TOM1L2: variants seen among roughly 807,000 people sequenced by gnomAD.
TOM1L2 encodes the protein target of myb1 like 2 membrane trafficking protein.
A neutral mutation model predicts 67.9 loss-of-function variants in TOM1L2; 31 were observed. The ratio of observed to expected loss-of-function variants is 0.46; its 90% CI spans 0.34 to 0.62. The LOEUF is 0.62. Among genes scored for constraint, TOM1L2 ranks in the 20% least tolerant of loss-of-function variants. TOM1L2 has a pLI of 0.01. For synonymous variants in TOM1L2, 256 were observed against 254.0 expected, an observed-to-expected ratio of 1.01 and a Z score of -0.07; for missense variants, 606 against 663.5, an observed-to-expected ratio of 0.91 and a Z score of 0.95.
At chr17:17,969,239 T>C (rs1465744957) in intron 1 of TOM1L2, among the ~76,000 whole-genome samples, 1 of 151,984 alleles carries the variant, frequency 6.6e-6, no homozygotes, top group Non-Finnish European at 1.5e-5. Context: ...GTATTACTAG[T>C]AGAGACAGGG....
intron 1 of TOM1L2, among the ~76,000 whole-genome samples, chr17:17,928,332 C>T (rs2040182067): frequency 6.6e-6 from 1 of 152,160 alleles, no homozygotes. Context: ...GAGGGTACAT[C>T]AATAAGGCAA....
At chr17:17,946,980 C>T (rs1484138157) in intron 1 of TOM1L2, among the ~76,000 whole-genome samples, 1 of 152,248 alleles carries the variant, frequency 6.6e-6, no homozygotes, top group Non-Finnish European at 1.5e-5. Flanking sequence ...CCTCCTCAGC[C>T]TCCCAAAGTG....
rs757202307 is a variant in TOM1L2 at position 17,869,307 on chromosome 17, G to GCA, written c.911+32_911+33insTG. On this transcript the variant is annotated intron_variant, in intron 8 of 14. Transcript: ENST00000379504. The stretch of plus-strand genomic sequence containing the variant: ...CTGTTATGGCAACAATCTTTTCAAG[G>GCA]GAAAAAAAAAAAAAAAGAAATCCGG... 1.6e-4 allele frequency: 246 copies of GCA among 1,546,528 alleles called. No individual in the cohort carries two copies. The African/African-American group carries it at 3.3e-3, about 21-fold the overall frequency.
At chr17:17,855,646 C>T (rs1422038991) in intron 12 of TOM1L2, among the ~76,000 whole-genome samples, 6 of 152,192 alleles carry the variant, frequency 3.9e-5, no homozygotes, top group Non-Finnish European at 8.8e-5. Flanking sequence ...ACCTGAGTCC[C>T]AGGAGCATAA....
Position 17,898,586 on chromosome 17 carries a change from T to C in TOM1L2, c.216+10A>G, listed in dbSNP as rs751454637. The C allele has an allele frequency of 4.3e-6, 7 of 1,614,002 alleles. No homozygotes were observed. Among genetic ancestry groups the C allele is most frequent in the Non-Finnish European group, 5.9e-6 (7 of 1,179,984 alleles). On this transcript the variant is annotated intron_variant, in intron 3 of 14. Coordinates refer to ENST00000379504, the MANE Select transcript of TOM1L2 (RefSeq NM_001082968.2). The stretch of plus-strand genomic sequence containing the variant: ...AGATGACTTCTCTCCTCAAGGAGAA[T>C]AGCACTCACTGTTAATGCCAGCATC...
At chr17:17,902,314 A>G (rs1243143139) in intron 2 of TOM1L2, among the ~76,000 whole-genome samples, 1 of 152,228 alleles carries the variant, frequency 6.6e-6, no homozygotes, top group Non-Finnish European at 1.5e-5. Context: ...TCTGGACATT[A>G]GGGAAAGCCC....
At chr17:17,906,349 G>A (rs1401160987) in intron 2 of TOM1L2, among the ~76,000 whole-genome samples, 3 of 151,716 alleles carry the variant, frequency 2.0e-5, no homozygotes, top group East Asian at 1.9e-4. Flanking sequence ...GGCTGGTCTC[G>A]AATTCCTGGG....
chr17:17,882,947 T>C (rs2037807845), intron 5 of TOM1L2, 84 bp from the exon 6 acceptor site: 3 of 1,542,196 alleles, frequency 1.9e-6, no homozygotes, highest in Admixed American at 3.4e-5. Context: ...CATGCAGCAC[T>C]TCCCCAAGGC....
At chr17:17,938,459 G>T (rs2040594420) in intron 1 of TOM1L2, among the ~76,000 whole-genome samples, 1 of 152,134 alleles carries the variant, frequency 6.6e-6, no homozygotes, top group Admixed American at 6.5e-5. Flanking sequence ...CTCTGACTAG[G>T]ATGTTCTATA....
chr17:17,867,759 G>A (rs1387907744), intron 8 of TOM1L2, among the ~76,000 whole-genome samples: 1 of 152,214 alleles, frequency 6.6e-6, no homozygotes, highest in Non-Finnish European at 1.5e-5. Context: ...TCAGCAGCTG[G>A]TGACAAGAAA....
At chr17:17,872,064 G>A in intron 7 of TOM1L2, 1 of 985,408 alleles carries the variant, frequency 1.0e-6, no homozygotes, top group Non-Finnish European at 1.2e-6. Flanking sequence ...GGTCTGGATT[G>A]CCAGGCAATA....
intron 1 of TOM1L2, among the ~76,000 whole-genome samples, chr17:17,959,808 A>AT (rs1217858922): frequency 6.6e-6 from 1 of 152,204 alleles, no homozygotes; most frequent in Admixed American, 6.5e-5. Context: ...CCGAAACAGA[A>AT]TTTTTGACAT....
Position 17,847,575 on chromosome 17 carries a change from C to A in TOM1L2, c.*60G>T. ...CTGGGGATGTAGGAGTGGCCAGTGC[C>A]CGGTGTCCACGGGGTGCGAGCGGGG... On this transcript the variant is annotated 3_prime_UTR_variant, in exon 15 of 15. Transcript: ENST00000379504. 1 of 1,548,096 alleles carries A rather than the reference C, an allele frequency of 6.5e-7. No homozygotes were observed. The highest frequency in any genetic ancestry group is 8.7e-7 in the Non-Finnish European group (1 of 1,151,040).
At chr17:17,961,871 C>CAAAAAAAAAAAAAA (rs530184569) in intron 1 of TOM1L2, among the ~76,000 whole-genome samples, 1 of 115,384 alleles carries the variant, frequency 8.7e-6, no homozygotes, top group Non-Finnish European at 1.9e-5. Flanking sequence ...GACTCCGTCT[C>CAAAAAAAAAAAAAA]AAAAAAAAAA....
At chr17:17,910,263 C>G (rs1057463109) in intron 1 of TOM1L2, among the ~76,000 whole-genome samples, 2 of 152,160 alleles carry the variant, frequency 1.3e-5, no homozygotes, top group African/African-American at 2.4e-5. Context: ...GTGGCAGAGC[C>G]AGGACTACAG....
chr17:17,862,698 C>T, intron 11 of TOM1L2, 33 bp downstream of exon 11: 1 of 1,566,102 alleles, frequency 6.4e-7, no homozygotes, highest in Non-Finnish European at 8.8e-7. Context: ...CCCCCAATAT[C>T]TTTAGAGAGC....
chr17:17,903,680 G>C (rs1324087186), intron 2 of TOM1L2, among the ~76,000 whole-genome samples: 2 of 151,730 alleles, frequency 1.3e-5, no homozygotes, highest in Non-Finnish European at 2.9e-5. Context: ...TCACAGCCTT[G>C]CGGGGGTTGC....
intron 7 of TOM1L2, among the ~76,000 whole-genome samples, chr17:17,873,050 T>C (rs1031661156): frequency 3.9e-5 from 6 of 152,142 alleles, no homozygotes; most frequent in Admixed American, 2.0e-4. Flanking sequence ...TTCCAGAATA[T>C]AGGTGGCCTC....
chr17:17,869,583 G>A, intron 7 of TOM1L2, 110 bp from the exon 8 acceptor site: 1 of 1,435,012 alleles, frequency 7.0e-7, no homozygotes, highest in Non-Finnish European at 9.1e-7. Context: ...AGGAGTACAT[G>A]CTTGTTCATA....
Sources: allele counts gnomAD v4.1 joint callset (sites outside exome capture counted in the v4.1 genomes callset), GRCh38; gene constraint gnomAD v4.1.1; transcripts MANE v1.5; gene names NCBI Gene and HGNC (gene_info 2026-07-23, HGNC 2026-07-21).